CUX1: variants seen among roughly 807,000 people sequenced by gnomAD.
CUX1 encodes cut like homeobox 1.
Under a neutral mutation model 158.8 loss-of-function variants are expected in CUX1, and 31 were observed. The observed-to-expected ratio is 0.20, with a 90% CI of 0.15 to 0.26. The LOEUF (loss-of-function observed/expected upper bound fraction) is 0.26. Among genes scored for constraint, CUX1 ranks in the 10% least tolerant of loss-of-function variants. The pLI, the probability that CUX1 is intolerant of heterozygous loss-of-function variation, is 1.00. For synonymous variants in CUX1, 879 were observed against 862.1 expected, an observed-to-expected ratio of 1.02 and a Z score of -0.34; for missense variants, 1,589 against 2,014.6, an observed-to-expected ratio of 0.79 and a Z score of 4.04.
intron 2 of CUX1, among the ~76,000 whole-genome samples, chr7:101,947,755 A>G (rs114058468): frequency 0.021 from 3,154 of 152,310 alleles, 107 homozygotes; most frequent in African/African-American, 0.068. Flanking sequence ...CTTTTAAAGC[A>G]GTAAATGAAA....
Position 102,250,588 on chromosome 7 carries a change from T to A in CUX1, c.*1546T>A. On this transcript the variant is annotated 3_prime_UTR_variant, in exon 24 of 24. Coordinates refer to ENST00000292535, the MANE Select transcript of CUX1 (RefSeq NM_181552.4). ...CTCCCCACTCCCATCCCTGTAGAAA[T>A]GGCCCAAACTCACACCAAAACGTGG... 2 of 985,312 alleles carry A rather than the reference T, an allele frequency of 2.0e-6. No individual in the cohort carries two copies. Among genetic ancestry groups the A allele is most frequent in the Non-Finnish European group, 2.4e-6 (2 of 829,904 alleles). The allele number at this position is 985,312 out of a possible 1,614,324, so 61.0% of individuals were successfully genotyped here. A position where few individuals can be genotyped will look rare whatever the true frequency, so the allele number is the denominator to read the frequency against.
At chr7:102,217,549 C>A (rs970163271) in intron 20 of CUX1, among the ~76,000 whole-genome samples, 10 of 152,230 alleles carry the variant, frequency 6.6e-5, no homozygotes, top group Non-Finnish European at 1.5e-4. Context: ...CGAAAACCAT[C>A]CCCAGAGGGA....
chr7:101,864,952 A>G (rs972009862), intron 1 of CUX1, among the ~76,000 whole-genome samples: 3 of 152,262 alleles, frequency 2.0e-5, no homozygotes, highest in African/African-American at 7.2e-5. Flanking sequence ...TATTTCTAAA[A>G]AAGTAAAAAA....
chr7:102,074,016 G>A (rs1182993000), intron 4 of CUX1, among the ~76,000 whole-genome samples: 2 of 152,182 alleles, frequency 1.3e-5, no homozygotes, highest in African/African-American at 4.8e-5. Context: ...TGCAAAGCAG[G>A]AATGGTGCTC....
chr7:101,867,298 G>A (rs1424103240), intron 1 of CUX1, among the ~76,000 whole-genome samples: 1 of 152,218 alleles, frequency 6.6e-6, no homozygotes, highest in Non-Finnish European at 1.5e-5. Context: ...AGGAATGGCT[G>A]GAGTAAGTGT....
chr7:102,229,678 C>T (rs1452273343), intron 21 of CUX1, among the ~76,000 whole-genome samples: 3 of 132,668 alleles, frequency 2.3e-5, no homozygotes, highest in Non-Finnish European at 4.6e-5. Context: ...AGTGCAGTGG[C>T]ACAATCGCGG....
At chr7:102,206,099 G>C (rs1236058543) in intron 20 of CUX1, among the ~76,000 whole-genome samples, 1 of 152,206 alleles carries the variant, frequency 6.6e-6, no homozygotes, top group Non-Finnish European at 1.5e-5. Flanking sequence ...AGCTCCACGA[G>C]GGGGAACATG....
At chr7:102,222,532 C>T (rs1390712915) in intron 20 of CUX1, among the ~76,000 whole-genome samples, 1 of 152,144 alleles carries the variant, frequency 6.6e-6, no homozygotes, top group Admixed American at 6.6e-5. Flanking sequence ...CAGACGCCCT[C>T]AGCTCGCTGC....
At chr7:102,280,794 C>G (rs1554549036) in intron 19 of CUX1, 1 of 1,612,874 alleles carries the variant, frequency 6.2e-7, no homozygotes, top group East Asian at 2.2e-5. Context: ...GACTGTCCCT[C>G]CCTGTGCAGG....
intron 2 of CUX1, among the ~76,000 whole-genome samples, chr7:101,933,600 C>T (rs781071128): frequency 3.9e-5 from 6 of 152,042 alleles, no homozygotes; most frequent in Non-Finnish European, 8.8e-5. Flanking sequence ...TGAATTTCTA[C>T]AGAATTTTCA....
At chr7:102,217,034 T>C (rs1381699650) in intron 20 of CUX1, among the ~76,000 whole-genome samples, 1 of 152,208 alleles carries the variant, frequency 6.6e-6, no homozygotes, top group Non-Finnish European at 1.5e-5. Context: ...CAGGGACGCA[T>C]TGATAAGTGT....
chr7:102,004,326 T>C (rs993290437), intron 2 of CUX1, among the ~76,000 whole-genome samples: 9 of 152,168 alleles, frequency 5.9e-5, no homozygotes, highest in Non-Finnish European at 1.0e-4. Flanking sequence ...GAAAGTGACC[T>C]AGAATGAAGA....
chr7:102,108,074 C>G (rs782572463), intron 6 of CUX1, among the ~76,000 whole-genome samples: 1 of 152,156 alleles, frequency 6.6e-6, no homozygotes, highest in African/African-American at 2.4e-5. Flanking sequence ...AGGGGGAAAA[C>G]GCGAGCAATC....
At position 101,914,376 on chromosome 7, in the gene CUX1, C is replaced by CTCCCTCCCTCTT. The variant is rs1563002006; in HGVS notation, c.31-1729_31-1728insTTTCCCTCCCTC. 1.4e-4 allele frequency among the ~76,000 whole-genome samples: 14 copies of CTCCCTCCCTCTT among 101,380 alleles called. No individual in the cohort carries two copies. In the South Asian group the frequency reaches 2.1e-3, roughly 15 times the overall value. 66.5% of individuals were successfully genotyped at this position (101,380 alleles called of 152,430 possible). A position where few individuals can be genotyped will look rare whatever the true frequency, so the allele number is the denominator to read the frequency against. Reference sequence around the variant, plus strand: ...CTTCCTTCCTTCCTTCCTTCCCTCCCTCCCTCCCTCCCTCCCTCTTTCCCT... The same window carrying CTCCCTCCCTCTT: ...CTTCCTTCCTTCCTTCCTTCCCTCCCTCCCTCCCTCTTTCCCTCCCTCCCTCCCTCTTTCCCT... On this transcript the variant is annotated intron_variant, in intron 1 of 23. Coordinates refer to ENST00000292535, the MANE Select transcript of CUX1 (RefSeq NM_181552.4).
chr7:101,817,023 C>T (rs1791902153), upstream of CUX1: 4 of 984,366 alleles, frequency 4.1e-6, no homozygotes, highest in Admixed American at 6.2e-5. The surrounding 1 kb of genome is among the most constrained non-coding windows in gnomAD (Gnocchi z 4.1). Context: ...CGGACCTGTT[C>T]CTCCGTGGCG....
In CUX1 at chr7:102,255,773, A is replaced by G; in HGVS notation, c.*6731A>G. On this transcript the variant is annotated 3_prime_UTR_variant, in exon 24 of 24. Coordinates refer to ENST00000292535, the MANE Select transcript of CUX1 (RefSeq NM_181552.4). ...ATTCAGCAAGACACATTGAAGTGGC[A>G]CGGAGCTGCTTTTGTTTTATAATTC... is the stretch of plus-strand genomic sequence containing the variant. 1.0e-6 allele frequency: 1 copy of G among 985,452 alleles called. No homozygotes were observed. The allele number at this position is 985,452 out of a possible 1,614,324, so 61.0% of individuals were successfully genotyped here.
chr7:102,027,077 T>A (rs1820124120), intron 2 of CUX1, among the ~76,000 whole-genome samples: 1 of 151,854 alleles, frequency 6.6e-6, no homozygotes, highest in South Asian at 2.1e-4. Context: ...ATCTCCGACT[T>A]AACAGTGCAT....
exon 19 of CUX1, chr7:102,280,096 C>T: frequency 6.2e-7 from 1 of 1,610,344 alleles, no homozygotes; most frequent in Non-Finnish European, 8.5e-7. Flanking sequence ...AGCGCCTGGA[C>T]CCCTTCTCCT....
chr7:101,988,179 C>T (rs1042554411), intron 2 of CUX1, among the ~76,000 whole-genome samples: 16 of 151,854 alleles, frequency 1.1e-4, no homozygotes, highest in Admixed American at 6.6e-5. Context: ...GCACTGCACT[C>T]CAGCCTGGGC....
Sources: gnomAD v4.1 joint callset for allele counts (sites outside exome capture counted in the v4.1 genomes callset) on GRCh38, gnomAD v4.1.1 for gene constraint, Gnocchi (gnomAD v3.1) non-coding constraint, MANE v1.5 for transcripts, NCBI Gene and HGNC (gene_info 2026-07-23, HGNC 2026-07-21) for gene names.